The following SPOCK3 variants were observed in gnomAD, a reference collection of about 807,000 sequenced individuals.
SPOCK3 encodes the protein SPARC (osteonectin), cwcv and kazal like domains proteoglycan 3, also known as testican-3.
In SPOCK3, 30 loss-of-function variants were observed where a neutral mutation model predicts 56.6. That is an observed-to-expected ratio of 0.53 (90% CI 0.40 to 0.72). The LOEUF (loss-of-function observed/expected upper bound fraction) is 0.72, where lower values mean the gene tolerates loss of function less well. Ranked by LOEUF, SPOCK3 falls within the 30% of genes least tolerant of loss-of-function variation. The pLI is 0.00. For missense variants in SPOCK3, 527 were observed against 530.0 expected, an observed-to-expected ratio of 0.99 and a Z score of 0.06; for synonymous variants, 196 against 183.3, an observed-to-expected ratio of 1.07 and a Z score of -0.56.
At chr4:166,791,642 A>C (rs1001394070) in intron 7 of SPOCK3, among the ~76,000 whole-genome samples, 1 of 152,176 alleles carries the variant, frequency 6.6e-6, no homozygotes, top group Non-Finnish European at 1.5e-5. Flanking sequence ...AAACTTTTAG[A>C]GAATTATACT....
chr4:166,740,493 CTTATTA>C (rs71604445), intron 9 of SPOCK3, among the ~76,000 whole-genome samples: 1,433 of 135,348 alleles, frequency 0.011, 22 homozygotes, highest in African/African-American at 0.032. Flanking sequence ...TATATAAGAA[CTTATTA>C]TTATTATTAT....
At chr4:167,049,956 G>A (rs965116690) in intron 3 of SPOCK3, among the ~76,000 whole-genome samples, 5 of 152,216 alleles carry the variant, frequency 3.3e-5, no homozygotes, top group South Asian at 2.1e-4. Context: ...AAGAGTAAAC[G>A]TCCTTCAAAA....
chr4:166,907,023 T>C (rs11935304), intron 5 of SPOCK3, among the ~76,000 whole-genome samples: 1 of 152,048 alleles, frequency 6.6e-6, no homozygotes, highest in Non-Finnish European at 1.5e-5. Flanking sequence ...GAAAATATGG[T>C]CTACATAAAT....
At chr4:166,855,476 T>C (rs1410574647) in intron 6 of SPOCK3, among the ~76,000 whole-genome samples, 1 of 152,136 alleles carries the variant, frequency 6.6e-6, no homozygotes, top group African/African-American at 2.4e-5. Flanking sequence ...CCAACATTTT[T>C]CCATGTAGTA....
intron 2 of SPOCK3, among the ~76,000 whole-genome samples, chr4:167,077,471 G>T (rs1757304212): frequency 1.3e-5 from 2 of 151,794 alleles, no homozygotes; most frequent in Non-Finnish European, 2.9e-5. Flanking sequence ...ATTTTTAAGA[G>T]AACAAGATTC....
chr4:166,776,144 G>A (rs1012269976), intron 7 of SPOCK3, among the ~76,000 whole-genome samples: 1 of 152,148 alleles, frequency 6.6e-6, no homozygotes, highest in African/African-American at 2.4e-5. Context: ...GCTGGGCACG[G>A]TGGCTCATGA....
chr4:166,746,243 C>G (rs998520535), intron 8 of SPOCK3, among the ~76,000 whole-genome samples: 4 of 152,166 alleles, frequency 2.6e-5, no homozygotes, highest in Non-Finnish European at 5.9e-5. Flanking sequence ...GGAAGTAAAG[C>G]ACTCCTCAGC....
At chr4:166,854,511 C>T (rs1730458383) in intron 6 of SPOCK3, among the ~76,000 whole-genome samples, 1 of 152,100 alleles carries the variant, frequency 6.6e-6, no homozygotes, top group Non-Finnish European at 1.5e-5. Flanking sequence ...AATGTACAGC[C>T]TCATCATCAG....
intron 9 of SPOCK3, among the ~76,000 whole-genome samples, chr4:166,741,122 G>A (rs188459322): frequency 3.2e-4 from 48 of 152,194 alleles, no homozygotes; most frequent in Non-Finnish European, 5.6e-4. Flanking sequence ...TTAAATACAC[G>A]AGTGTGTTAA....
chr4:166,889,401 C>T (rs1342165091), intron 5 of SPOCK3, among the ~76,000 whole-genome samples, 157 bp from the exon 6 acceptor site: 1 of 151,824 alleles, frequency 6.6e-6, no homozygotes, highest in Non-Finnish European at 1.5e-5. Flanking sequence ...ATATTACACA[C>T]TTATGTAGAG....
chr4:166,776,742 T>C (rs747647434), intron 7 of SPOCK3, among the ~76,000 whole-genome samples: 2 of 152,078 alleles, frequency 1.3e-5, no homozygotes, highest in Non-Finnish European at 2.9e-5. Context: ...ATGAAAATAA[T>C]GTTAGAGAAG....
At chr4:167,178,029 G>A (rs1416245905) in intron 2 of SPOCK3, among the ~76,000 whole-genome samples, 1 of 152,148 alleles carries the variant, frequency 6.6e-6, no homozygotes, top group East Asian at 1.9e-4. Context: ...ACTCAGCTAT[G>A]TGCAAAGCAG....
At chr4:166,865,050 C>T (rs1048526583) in intron 6 of SPOCK3, among the ~76,000 whole-genome samples, 3 of 152,100 alleles carry the variant, frequency 2.0e-5, no homozygotes, top group African/African-American at 7.2e-5. Flanking sequence ...CACTGGCAAG[C>T]CAAACCCAGC....
At chr4:167,109,065 T>TATATTTATATAAAAATATATATAAA (rs1328710834) in intron 2 of SPOCK3, among the ~76,000 whole-genome samples, 116 of 1,794 alleles carry the variant, frequency 0.065, 41 homozygotes, top group East Asian at 0.1. Flanking sequence ...TATATAAATA[T>TATATTTATATAAAAATATATATAAA]TATATATTTA....
chr4:167,080,035 T>A (rs1161297759), intron 2 of SPOCK3, among the ~76,000 whole-genome samples: 1 of 151,650 alleles, frequency 6.6e-6, no homozygotes, highest in Non-Finnish European at 1.5e-5. Context: ...GGGGAGGAGG[T>A]AATCTCTCAC....
At chr4:167,217,649 T>C (rs1174812470) in intron 2 of SPOCK3, among the ~76,000 whole-genome samples, 1 of 152,016 alleles carries the variant, frequency 6.6e-6, no homozygotes, top group Non-Finnish European at 1.5e-5. Context: ...CTACTGCAAA[T>C]TCGTATAACA....
intron 3 of SPOCK3, among the ~76,000 whole-genome samples, chr4:167,032,753 C>T (rs553274309): frequency 1.3e-5 from 2 of 151,868 alleles, no homozygotes; most frequent in Non-Finnish European, 2.9e-5. Flanking sequence ...AAGATCTCAA[C>T]TTAAATGACA....
At chr4:166,889,735 AT>A (rs1280150704) in intron 5 of SPOCK3, among the ~76,000 whole-genome samples, 1 of 151,924 alleles carries the variant, frequency 6.6e-6, no homozygotes, top group Non-Finnish European at 1.5e-5. Context: ...CAAATGGCCC[AT>A]CTTGTATCCC....
chr4:167,214,858 A>G (rs1231590109), intron 2 of SPOCK3, among the ~76,000 whole-genome samples: 1 of 152,076 alleles, frequency 6.6e-6, no homozygotes, highest in South Asian at 2.1e-4. Flanking sequence ...GTGATGACTT[A>G]CAGCAGAAAC....
Sources: allele counts gnomAD v4.1 joint callset (sites outside exome capture counted in the v4.1 genomes callset), GRCh38; gene constraint gnomAD v4.1.1; transcripts MANE v1.5; gene names NCBI Gene and HGNC (gene_info 2026-07-23, HGNC 2026-07-21).